The following PHKA2 variants were observed in gnomAD, a reference collection of about 807,000 sequenced individuals.
PHKA2 encodes phosphorylase kinase regulatory subunit alpha 2.
Under a neutral mutation model 102.0 loss-of-function variants are expected in PHKA2, and 31 were observed. That is an observed-to-expected ratio of 0.30 (90% CI 0.23 to 0.41). The LOEUF is 0.41. Among genes scored for constraint, PHKA2 ranks in the 10% least tolerant of loss-of-function variants. The probability of loss-of-function intolerance (pLI) is 1.00; values close to 1 mark genes in which losing one functional copy is unlikely to be tolerated. For missense variants in PHKA2, 858 were observed against 1,023.1 expected (o/e 0.84, Z 2.20); for synonymous variants, 455 against 416.2 (o/e 1.09, Z -1.13).
intron 21 of PHKA2, among the ~76,000 whole-genome samples, chrX:18,908,393 A>G (rs975248393): frequency 3.6e-5 from 4 of 112,422 alleles, no homozygotes; most frequent in African/African-American, 1.3e-4. Flanking sequence ...TACTACGGAA[A>G]AAATTAAGGA....
At chrX:18,894,996 G>GA (rs1054378191) in intron 31 of PHKA2, 142 bp downstream of exon 31, 8 of 606,009 alleles carry the variant, frequency 1.3e-5, no homozygotes, top group African/African-American at 2.2e-5. Flanking sequence ...ATATGAGGGT[G>GA]AAGGGGCTAG....
Position 18,984,005 on chromosome X carries a change from G to A in PHKA2, c.-73C>T. 3.3e-6 allele frequency: 3 copies of A among 904,399 alleles called. No individual in the cohort carries two copies. Among genetic ancestry groups the A allele is most frequent in the East Asian group, 3.1e-5 (1 of 31,871 alleles). The allele number at this position is 904,399 out of a possible 1,213,427, so 74.5% of individuals were successfully genotyped here. On this transcript the variant is annotated 5_prime_UTR_variant, in exon 1 of 33. Transcript: ENST00000379942. Reference sequence around the variant, plus strand: ...GGGACGTCGGGGCTGTGGCCTCCAAGCGGGTCTGGTTCCCGGACACTCACA... The same window carrying A: ...GGGACGTCGGGGCTGTGGCCTCCAAACGGGTCTGGTTCCCGGACACTCACA...
At chrX:18,939,973 A>T (rs766180435) in intron 9 of PHKA2, 22 bp downstream of exon 9, 1 of 1,083,475 alleles carries the variant, frequency 9.2e-7, no homozygotes, top group South Asian at 1.8e-5. Flanking sequence ...AGGAAAGATA[A>T]GAAACAATAT....
chrX:18,893,767 A>G, intron 32 of PHKA2, 112 bp from the exon 33 acceptor site: 1 of 722,215 alleles, frequency 1.4e-6, no homozygotes, highest in Non-Finnish European at 2.2e-6. Flanking sequence ...TTGCTCTAGT[A>G]GAGCCTTGGC....
chrX:18,975,765 C>T (rs935869305), intron 1 of PHKA2, among the ~76,000 whole-genome samples: 3 of 110,836 alleles, frequency 2.7e-5, no homozygotes, highest in African/African-American at 9.9e-5. Flanking sequence ...CTTGAACAAC[C>T]GTTGTCTGAG....
At position 18,979,099 on chromosome X, in the gene PHKA2, G is replaced by A. The variant is rs984109464; in HGVS notation, c.78+4756C>T. On this transcript the variant is annotated intron_variant, in intron 1 of 32. Transcript: ENST00000379942. The stretch of plus-strand genomic sequence containing the variant: ...TGCAGTGAGGTGAGATCATGCCACC[G>A]CACTCCAACCTGGGCAACAGAGCAA... Among the ~76,000 whole-genome samples the A allele has an allele frequency of 7.2e-5, 8 of 111,668 alleles. No homozygotes were observed. The South Asian group carries it at 1.1e-3, about 16-fold the overall frequency.
chrX:18,895,270 A>G, intron 30 of PHKA2, 79 bp from the exon 31 acceptor site: 1 of 888,229 alleles, frequency 1.1e-6, no homozygotes, highest in South Asian at 2.0e-5. Flanking sequence ...GCGTGCATGC[A>G]CACACAGCAC....
At chrX:18,931,553 C>T (rs749824533) in intron 12 of PHKA2, 88 bp downstream of exon 12, 9 of 657,758 alleles carry the variant, frequency 1.4e-5, no homozygotes, top group South Asian at 8.6e-5. Context: ...TCCACACGCA[C>T]GCCTGGCAGA....
At chrX:18,945,180 A>C in intron 5 of PHKA2, 22 bp from the exon 6 acceptor site, 1 of 1,015,819 alleles carries the variant, frequency 9.8e-7, no homozygotes, top group African/African-American at 1.9e-5. Flanking sequence ...AAAGGTGGGA[A>C]TCAGAGGGGA....
intron 11 of PHKA2, among the ~76,000 whole-genome samples, chrX:18,933,517 G>A (rs887380031): frequency 1.8e-5 from 2 of 112,715 alleles, no homozygotes; most frequent in African/African-American, 6.5e-5. Flanking sequence ...GCCTTATGGT[G>A]CCCTGCACAA....
At chrX:18,931,776 G>C in intron 11 of PHKA2, 28 bp from the exon 12 acceptor site, 1 of 1,000,288 alleles carries the variant, frequency 1.0e-6, no homozygotes. Flanking sequence ...TCCAAAGTCA[G>C]AAAGTCAGAG....
At chrX:18,950,272 G>T (rs1354215771) in intron 4 of PHKA2, among the ~76,000 whole-genome samples, 1 of 112,202 alleles carries the variant, frequency 8.9e-6, no homozygotes, top group Non-Finnish European at 1.9e-5. Context: ...TTGGAAAAGT[G>T]AGGGTGTGTC....
chrX:18,965,584 G>GGT (rs1287184751), intron 1 of PHKA2, among the ~76,000 whole-genome samples: 1 of 110,737 alleles, frequency 9.0e-6, no homozygotes, highest in East Asian at 2.8e-4. Context: ...GCCTTTCTGG[G>GGT]GTGTGTGTGG....
rs1259851516 is a variant in PHKA2 at position 18,920,092 on chromosome X, T to G, written c.1903A>C (p.Thr635Pro). ...EKLFDNASEG[T>P]FSPDSDSDLV... ...TCTGAATCACTATCAGGACTGAAAGTCCCTTCGCTGGCATTGTCAAACAAC... is the reference window on the plus strand; with the variant it reads ...TCTGAATCACTATCAGGACTGAAAGGCCCTTCGCTGGCATTGTCAAACAAC... Residue 635 changes from threonine (T) to proline (P), a missense_variant, in exon 18 of 33, where the codon ACT becomes CCT. By Grantham distance (38) the Thr-to-Pro change is conservative. Transcript: ENST00000379942. 5.0e-6 allele frequency: 6 copies of G among 1,193,185 alleles called. No homozygotes were observed. Among genetic ancestry groups the G allele is most frequent in the Non-Finnish European group, 6.8e-6 (6 of 879,789 alleles).
chrX:18,983,778 A>G, intron 1 of PHKA2, 77 bp downstream of exon 1: 5 of 873,207 alleles, frequency 5.7e-6, no homozygotes, highest in Non-Finnish European at 6.8e-6. Context: ...AGGTCACAAG[A>G]GGGCCAGACC....
At chrX:18,932,414 G>A (rs2048331000) in intron 11 of PHKA2, among the ~76,000 whole-genome samples, 1 of 111,042 alleles carries the variant, frequency 9.0e-6, no homozygotes, top group African/African-American at 3.3e-5. Context: ...TCATTGGTTG[G>A]GGGTAATGTC....
chrX:18,968,577 T>C (rs1427368868), intron 1 of PHKA2, among the ~76,000 whole-genome samples: 16 of 111,370 alleles, frequency 1.4e-4, no homozygotes, highest in Admixed American at 1.4e-3. Context: ...TTAAAATCCA[T>C]TGGTCTATCT....
chrX:18,927,789 C>T (rs1302022679), intron 13 of PHKA2, among the ~76,000 whole-genome samples: 2 of 111,479 alleles, frequency 1.8e-5, no homozygotes, highest in East Asian at 5.6e-4. Flanking sequence ...GGCTAGGTGG[C>T]TTTCCTTAAC....
At chrX:18,948,684 T>C (rs2048627258) in intron 5 of PHKA2, 60 bp downstream of exon 5, 5 of 804,376 alleles carry the variant, frequency 6.2e-6, no homozygotes, top group South Asian at 4.1e-5. Context: ...AAACACTGTA[T>C]GATTTTTATT....
Sources: allele counts gnomAD v4.1 joint callset (sites outside exome capture counted in the v4.1 genomes callset), GRCh38; gene constraint gnomAD v4.1.1; transcripts MANE v1.5; gene names NCBI Gene and HGNC (gene_info 2026-07-23, HGNC 2026-07-21).